Variants in ROR1 observed in about 807,000 individuals in gnomAD.
ROR1 encodes ROR family WNT receptor 1.
Under a neutral mutation model 78.8 loss-of-function variants are expected in ROR1, and 19 were observed. That is an observed-to-expected ratio of 0.24 (90% confidence interval 0.17 to 0.35). The LOEUF (loss-of-function observed/expected upper bound fraction) is 0.35, where lower values mean the gene tolerates loss of function less well. ROR1 is among the 10% of genes least tolerant of loss of function. The pLI, the probability that ROR1 is intolerant of heterozygous loss-of-function variation, is 1.00. For synonymous variants in ROR1, 386 were observed against 433.6 expected (o/e 0.89, Z 1.36); for missense variants, 917 against 1,177.8 (o/e 0.78, Z 3.24).
At chr1:64,078,674 T>A (rs1647072891) in intron 4 of ROR1, among the ~76,000 whole-genome samples, 2 of 151,940 alleles carry the variant, frequency 1.3e-5, no homozygotes, top group Admixed American at 6.6e-5. Flanking sequence ...GGAAGAAAGA[T>A]AAGAAGAGAA....
chr1:64,103,190 G>T (rs1360581119), intron 4 of ROR1, among the ~76,000 whole-genome samples: 2 of 152,102 alleles, frequency 1.3e-5, no homozygotes, highest in Non-Finnish European at 2.9e-5. Flanking sequence ...GGCGATGTGG[G>T]CTCTTTTTTG....
At chr1:63,877,639 A>T (rs1267834845) in intron 1 of ROR1, among the ~76,000 whole-genome samples, 2 of 152,120 alleles carry the variant, frequency 1.3e-5, no homozygotes, top group Non-Finnish European at 2.9e-5. Context: ...TCAGTAAGTA[A>T]ATAGCATTGC....
chr1:64,132,773 A>G (rs1002235512), intron 4 of ROR1, among the ~76,000 whole-genome samples: 2 of 148,206 alleles, frequency 1.3e-5, no homozygotes, highest in African/African-American at 5.2e-5. Flanking sequence ...AAAAAAAAAA[A>G]AAAAAAAAAA....
chr1:63,953,660 G>A (rs561637165), intron 1 of ROR1, among the ~76,000 whole-genome samples: 7 of 152,256 alleles, frequency 4.6e-5, no homozygotes, highest in East Asian at 1.9e-4. Context: ...AAATGGTGGC[G>A]CCTACTGGGT....
chr1:64,098,661 A>G (rs1569747148), intron 4 of ROR1, among the ~76,000 whole-genome samples: 2 of 152,124 alleles, frequency 1.3e-5, no homozygotes, highest in East Asian at 3.9e-4. Context: ...GGGCTTTGGG[A>G]TTCTTCAGGA....
intron 1 of ROR1, among the ~76,000 whole-genome samples, chr1:63,866,129 A>T (rs1387366334): frequency 6.6e-6 from 1 of 152,112 alleles, no homozygotes; most frequent in Non-Finnish European, 1.5e-5. Flanking sequence ...GTGCCCCCCC[A>T]GCACCAGTGC....
At chr1:63,849,956 G>T (rs1373146660) in intron 1 of ROR1, among the ~76,000 whole-genome samples, 6 of 152,292 alleles carry the variant, frequency 3.9e-5, no homozygotes, top group African/African-American at 1.4e-4. Context: ...AAAGCTCCCA[G>T]TGTACCCCTC....
chr1:64,141,421 G>A (rs573434654), intron 6 of ROR1, among the ~76,000 whole-genome samples: 3 of 152,128 alleles, frequency 2.0e-5, no homozygotes, highest in African/African-American at 7.2e-5. Flanking sequence ...CTATCCCAAG[G>A]ACAGTACCAC....
At chr1:63,987,688 A>G (rs1040851969) in intron 1 of ROR1, among the ~76,000 whole-genome samples, 1 of 152,182 alleles carries the variant, frequency 6.6e-6, no homozygotes, top group Non-Finnish European at 1.5e-5. Context: ...TTGCATTATC[A>G]ATGTTCCTCA....
At chr1:64,103,738 G>A (rs1331639718) in intron 4 of ROR1, among the ~76,000 whole-genome samples, 3 of 151,918 alleles carry the variant, frequency 2.0e-5, no homozygotes, top group African/African-American at 4.8e-5. Flanking sequence ...ATAGATTTCA[G>A]TTCTCCCATT....
chr1:64,002,363 ACCTTGTGATCCTAGCCT>A (rs1367229022), intron 1 of ROR1, among the ~76,000 whole-genome samples: 1 of 152,068 alleles, frequency 6.6e-6, no homozygotes, highest in Non-Finnish European at 1.5e-5. Context: ...CGATCTCCTG[ACCTTGTGATCCTAGCCT>A]CCTAAAGTGC....
intron 8 of ROR1, among the ~76,000 whole-genome samples, chr1:64,162,082 C>G (rs1649959371): frequency 6.6e-6 from 1 of 152,142 alleles, no homozygotes; most frequent in African/African-American, 2.4e-5. Context: ...AACAAACACT[C>G]CACCAGAGCA....
intron 4 of ROR1, among the ~76,000 whole-genome samples, chr1:64,123,096 C>T (rs1648599896): frequency 6.6e-6 from 1 of 152,182 alleles, no homozygotes; most frequent in South Asian, 2.1e-4. Flanking sequence ...CCCTTCCTTC[C>T]TCAGTATCTC....
At chr1:63,976,497 G>A (rs285339) in intron 1 of ROR1, among the ~76,000 whole-genome samples, 117,783 of 152,098 alleles carry the variant, frequency 0.77, 46,115 homozygotes, top group East Asian at 0.94. Flanking sequence ...TTGACCTAAT[G>A]TGGTCCACAT....
intron 4 of ROR1, among the ~76,000 whole-genome samples, chr1:64,057,347 T>C (rs929144462): frequency 2.0e-5 from 3 of 152,250 alleles, no homozygotes; most frequent in African/African-American, 7.2e-5. Context: ...TTCTACATAG[T>C]CTTGATTACT....
In ROR1 at chr1:64,049,891, G is replaced by A. The variant is rs867084474; in HGVS notation, c.364G>A (p.Asp122Asn). 1.2e-6 allele frequency: 2 copies of A among 1,614,142 alleles called. No homozygotes were observed. Among genetic ancestry groups the A allele is most frequent in the Non-Finnish European group, 1.7e-6 (2 of 1,180,034 alleles). Residue 122 changes from aspartate (D) to asparagine (N), a missense_variant, in exon 3 of 9, where the codon GAC becomes AAC. Physicochemically the swap from Asp to Asn is conservative, Grantham distance 23. Transcript: ENST00000371079. ...YGSRLRIRNL[D>N]TTDTGYFQCV... Reference sequence around the variant, plus strand: ...CTCTCGGCTGCGGATTAGAAACCTCGACACCACAGACACAGGCTACTTCCA... The same window carrying A: ...CTCTCGGCTGCGGATTAGAAACCTCAACACCACAGACACAGGCTACTTCCA...
intron 1 of ROR1, among the ~76,000 whole-genome samples, chr1:63,841,990 C>T (rs954261419): frequency 1.9e-4 from 29 of 152,280 alleles, no homozygotes; most frequent in African/African-American, 6.3e-4. Flanking sequence ...ACCCACTATG[C>T]CTCATTATAT....
chr1:64,118,993 C>T (rs1648423466), intron 4 of ROR1, among the ~76,000 whole-genome samples: 1 of 152,210 alleles, frequency 6.6e-6, no homozygotes, highest in Non-Finnish European at 1.5e-5. Context: ...CAGCCAGCCT[C>T]ACCTTGACAG....
intron 1 of ROR1, among the ~76,000 whole-genome samples, chr1:63,983,453 T>A (rs1213088750): frequency 1.3e-5 from 2 of 152,148 alleles, no homozygotes; most frequent in Non-Finnish European, 2.9e-5. Context: ...CTAGAAGTGA[T>A]GGCTGAGAAA....
Sources: gnomAD v4.1 joint callset for allele counts (sites outside exome capture counted in the v4.1 genomes callset) on GRCh38, gnomAD v4.1.1 for gene constraint, MANE v1.5 for transcripts, NCBI Gene and HGNC (gene_info 2026-07-23, HGNC 2026-07-21) for gene names.